The following TTC28 variants were observed in gnomAD, a reference collection of about 807,000 sequenced individuals.
TTC28 encodes tetratricopeptide repeat protein 28.
Under a neutral mutation model 198.0 loss-of-function variants are expected in TTC28, and 61 were observed. The observed-to-expected ratio is 0.31, with a 90% CI of 0.25 to 0.38. The LOEUF is 0.38. TTC28 is among the 10% of genes least tolerant of loss of function. The pLI is 1.00. For synonymous variants in TTC28, 1,171 were observed against 1,297.8 expected (o/e 0.90, Z 2.10); for missense variants, 2,678 against 3,164.0 (o/e 0.85, Z 3.69).
At chr22:28,526,881 C>T (rs1434902867) in intron 2 of TTC28, among the ~76,000 whole-genome samples, 9 of 151,960 alleles carry the variant, frequency 5.9e-5, no homozygotes, top group African/African-American at 1.7e-4. Flanking sequence ...CTCAGCCTCC[C>T]AAGTAGTTGG....
chr22:28,604,297 TTATATATA>T lies in TTC28; in HGVS notation c.381+25247_381+25254del, dbSNP rs35077140. 2.4e-4 allele frequency among the ~76,000 whole-genome samples: 27 copies of T among 114,134 alleles called. 1 individual carries two copies. Among genetic ancestry groups the T allele is most frequent in the Admixed American group, 2.2e-3 (25 of 11,278 alleles). 74.9% of individuals were successfully genotyped at this position (114,134 alleles called of 152,430 possible). On this transcript the variant is annotated intron_variant, in intron 2 of 22. Transcript: ENST00000397906. Reference sequence around the variant, plus strand: ...AGTCTTAAACAGAAAAAAAAAAAAATTATATATATATATATATATATATATGTCTTTAC... The same window carrying T: ...AGTCTTAAACAGAAAAAAAAAAAAATTATATATATATATATATGTCTTTAC...
chr22:28,344,979 C>T (rs758190350), intron 2 of TTC28, among the ~76,000 whole-genome samples: 19 of 152,160 alleles, frequency 1.2e-4, no homozygotes, highest in Non-Finnish European at 2.4e-4. Flanking sequence ...GAGATTCAGA[C>T]GGTAAGCAGC....
intron 5 of TTC28, among the ~76,000 whole-genome samples, chr22:28,219,793 G>A (rs146489261): frequency 1.3e-4 from 20 of 152,260 alleles, no homozygotes; most frequent in South Asian, 4.2e-4. Flanking sequence ...TGAAAAATGC[G>A]TTAGAAAATG....
chr22:28,316,628 T>C (rs545846329), intron 2 of TTC28, among the ~76,000 whole-genome samples: 1 of 152,258 alleles, frequency 6.6e-6, no homozygotes, highest in East Asian at 1.9e-4. Context: ...TTCATGAGCA[T>C]TTTTTTAGTT....
intron 1 of TTC28, among the ~76,000 whole-genome samples, chr22:28,640,318 G>C (rs541831687): frequency 2.1e-5 from 3 of 144,286 alleles, no homozygotes; most frequent in Admixed American, 7.0e-5. Flanking sequence ...GTAAAGGGGG[G>C]GGGGGGAAAG....
rs1254933223 is a variant in TTC28 at position 28,669,822 on chromosome 22, T to C, written c.102+9800A>G. On this transcript the variant is annotated intron_variant, in intron 1 of 22. Coordinates refer to ENST00000397906, the MANE Select transcript of TTC28 (RefSeq NM_001145418.2). ...TTCTTTTAGGAGATGTAAGAGAGTC[T>C]ACAAATCTTTATTCTACTATTTCCC... Among the ~76,000 whole-genome samples the C allele has an allele frequency of 7.9e-5, 12 of 152,186 alleles. No individual in the cohort carries two copies. The East Asian group carries it at 1.9e-3, about 24-fold the overall frequency.
intron 5 of TTC28, among the ~76,000 whole-genome samples, chr22:28,186,881 C>A (rs184861924): frequency 1.3e-5 from 2 of 152,082 alleles, no homozygotes; most frequent in African/African-American, 4.8e-5. Context: ...AGGATACAGC[C>A]GTTTCCTGTT....
intron 2 of TTC28, among the ~76,000 whole-genome samples, chr22:28,540,978 A>C: frequency 6.6e-6 from 1 of 152,226 alleles, no homozygotes; most frequent in Non-Finnish European, 1.5e-5. Flanking sequence ...ACTAGCTGAA[A>C]GGCAACAAGA....
intron 2 of TTC28, among the ~76,000 whole-genome samples, chr22:28,355,228 A>G (rs2046057383): frequency 6.6e-6 from 1 of 152,168 alleles, no homozygotes; most frequent in African/African-American, 2.4e-5. Context: ...CCTTATTTAA[A>G]TGAACACTAT....
Position 28,431,305 on chromosome 22 carries a change from T to C in TTC28, c.382-124662A>G, listed in dbSNP as rs149874041. ...ATAAATTTGATTTTTAAAATTATTCTAATTTAGAAGCATGTCATTGAAACA... is the reference window on the plus strand; with the variant it reads ...ATAAATTTGATTTTTAAAATTATTCCAATTTAGAAGCATGTCATTGAAACA... On this transcript the variant is annotated intron_variant, in intron 2 of 22. Coordinates refer to ENST00000397906, the MANE Select transcript of TTC28 (RefSeq NM_001145418.2). 7.2e-5 allele frequency among the ~76,000 whole-genome samples: 11 copies of C among 152,354 alleles called. No individual in the cohort carries two copies. The East Asian group carries it at 1.9e-3, about 27-fold the overall frequency.
intron 2 of TTC28, among the ~76,000 whole-genome samples, chr22:28,475,149 C>CAAAAAAAAAAAAAAAA (rs386395148): frequency 3.1e-5 from 2 of 64,996 alleles, no homozygotes; most frequent in Non-Finnish European, 5.5e-5. Context: ...GACTCCATCT[C>CAAAAAAAAAAAAAAAA]AAAAAAAAAA....
rs1049930755 is a variant in TTC28, at chr22:27,982,061, G to A, written c.*160C>T. 1.3e-5 allele frequency: 9 copies of A among 681,270 alleles called. No homozygotes were observed. In the African/African-American group the frequency reaches 1.6e-4, roughly 12 times the overall value. 42.2% of individuals were successfully genotyped at this position (681,270 alleles called of 1,614,324 possible). ...AATGTGGCCCAGAAAAGCCACCAGT[G>A]TGTGTGGCAGCCTTTGGACGTGGTG... On this transcript the variant is annotated 3_prime_UTR_variant, in exon 23 of 23. Coordinates refer to ENST00000397906, the MANE Select transcript of TTC28 (RefSeq NM_001145418.2). This position sits in a 1 kb window ranked among gnomAD's most constrained non-coding sequence, Gnocchi z 5.2.
intron 5 of TTC28, among the ~76,000 whole-genome samples, chr22:28,196,794 G>A (rs1213531217): frequency 6.6e-6 from 1 of 152,158 alleles, no homozygotes; most frequent in African/African-American, 2.4e-5. Context: ...AGGATGTGGA[G>A]AAATAGGAAC....
chr22:28,221,833 A>G (rs1927893593), intron 5 of TTC28, among the ~76,000 whole-genome samples: 1 of 152,160 alleles, frequency 6.6e-6, no homozygotes, highest in Non-Finnish European at 1.5e-5. Flanking sequence ...CTTATCATCA[A>G]GTTATGATTG....
rs576439293 is a variant in TTC28 at position 28,648,596 on chromosome 22, T to C, written c.103-18766A>G. 9.2e-5 allele frequency among the ~76,000 whole-genome samples: 14 copies of C among 152,286 alleles called. No individual in the cohort carries two copies. The South Asian group carries it at 2.7e-3, about 29-fold the overall frequency. On this transcript the variant is annotated intron_variant, in intron 1 of 22. Coordinates refer to ENST00000397906, the MANE Select transcript of TTC28 (RefSeq NM_001145418.2). ...TGCAAAGATATGGAACCAACCTAAA[T>C]GCCCACTGATGAGGGAAAAAAGAAA...
At chr22:28,262,928 C>A (rs768168289) in intron 5 of TTC28, among the ~76,000 whole-genome samples, 2 of 152,008 alleles carry the variant, frequency 1.3e-5, no homozygotes, top group Non-Finnish European at 2.9e-5. Flanking sequence ...AGAGTGGAAG[C>A]GAAGCTACAG....
chr22:27,981,307 A>AACTT lies in TTC28; in HGVS notation c.*910_*913dup, dbSNP rs1411812710. The AACTT allele has an allele frequency of 7.4e-6, 1 of 134,444 alleles. No homozygotes were observed. The highest frequency in any genetic ancestry group is 1.5e-5 in the Non-Finnish European group (1 of 65,852). 8.3% of individuals were successfully genotyped at this position (134,444 alleles called of 1,614,324 possible). On this transcript the variant is annotated 3_prime_UTR_variant, in exon 23 of 23. Coordinates refer to ENST00000397906, the MANE Select transcript of TTC28 (RefSeq NM_001145418.2). ...GGAGTCATTTCAACCTTTCCTTCCA[A>AACTT]ACTTGATAATTACTTATTGATGACT...
At chr22:28,026,924 C>T (rs1938857406) in intron 13 of TTC28, among the ~76,000 whole-genome samples, 1 of 152,252 alleles carries the variant, frequency 6.6e-6, no homozygotes, top group Non-Finnish European at 1.5e-5. Flanking sequence ...GGGATACTGG[C>T]CCTAAATGAC....
At chr22:28,351,770 A>G (rs1451516776) in intron 2 of TTC28, among the ~76,000 whole-genome samples, 1 of 152,220 alleles carries the variant, frequency 6.6e-6, no homozygotes, top group Non-Finnish European at 1.5e-5. Context: ...CATACTAGTC[A>G]GCAATCTTTT....
Sources: gnomAD v4.1 joint callset for allele counts (sites outside exome capture counted in the v4.1 genomes callset) on GRCh38, gnomAD v4.1.1 for gene constraint, Gnocchi (gnomAD v3.1) non-coding constraint, MANE v1.5 for transcripts, NCBI Gene and HGNC (gene_info 2026-07-23, HGNC 2026-07-21) for gene names.